Variants in PACRG observed in about 807,000 individuals in gnomAD.
PACRG encodes the protein parkin coregulated.
In PACRG, 29 loss-of-function variants were observed where a neutral mutation model predicts 29.7. That is an observed-to-expected ratio of 0.98 (90% CI 0.73 to 1.33). PACRG has a LOEUF of 1.33. Ranked by LOEUF, PACRG falls within the 40% of genes most tolerant of loss-of-function variation. PACRG has a pLI of 0.00. For synonymous variants in PACRG, 116 were observed against 118.7 expected (o/e 0.98, Z 0.15); for missense variants, 279 against 316.2 (o/e 0.88, Z 0.89).
intron 2 of PACRG, among the ~76,000 whole-genome samples, chr6:162,842,363 T>A (rs1364707605): frequency 6.8e-6 from 1 of 147,264 alleles, no homozygotes; most frequent in Admixed American, 6.8e-5. Flanking sequence ...GCCTTCTTTG[T>A]CTCTTTTGAT....
chr6:162,905,113 A>G (rs1412965393), intron 2 of PACRG, among the ~76,000 whole-genome samples: 3 of 152,212 alleles, frequency 2.0e-5, no homozygotes, highest in Admixed American at 2.0e-4. Context: ...CCTTGCCTAC[A>G]TTGGAGCAAC....
intron 1 of PACRG, among the ~76,000 whole-genome samples, chr6:162,771,053 G>T (rs1358761478): frequency 6.6e-6 from 1 of 151,964 alleles, no homozygotes; most frequent in Non-Finnish European, 1.5e-5. Flanking sequence ...AAATTACAAT[G>T]AAATACATTA....
At chr6:162,764,289 G>C (rs1346199709) in intron 1 of PACRG, among the ~76,000 whole-genome samples, 2 of 152,026 alleles carry the variant, frequency 1.3e-5, no homozygotes, top group Non-Finnish European at 2.9e-5. Context: ...AAAGGGGGGA[G>C]GGGGAGTTGC....
At chr6:163,005,341 C>T (rs1804966829) in intron 2 of PACRG, among the ~76,000 whole-genome samples, 1 of 151,830 alleles carries the variant, frequency 6.6e-6, no homozygotes, top group South Asian at 2.1e-4. Flanking sequence ...GTTCTGATTA[C>T]TTTGGTTTGC....
intron 1 of PACRG, among the ~76,000 whole-genome samples, chr6:162,794,122 A>G (rs1244160388): frequency 6.6e-6 from 1 of 152,192 alleles, no homozygotes; most frequent in African/African-American, 2.4e-5. Flanking sequence ...CCATATCCTC[A>G]CCAACACTTC....
At chr6:163,123,104 G>A (rs76567122) in intron 4 of PACRG, among the ~76,000 whole-genome samples, 1,826 of 152,302 alleles carry the variant, frequency 0.012, 37 homozygotes, top group African/African-American at 0.041. Flanking sequence ...GAAAAACCCC[G>A]TGTGCCCAGG....
At chr6:163,180,618 C>G (rs1024146193) in intron 4 of PACRG, among the ~76,000 whole-genome samples, 2 of 151,772 alleles carry the variant, frequency 1.3e-5, no homozygotes, top group African/African-American at 4.8e-5. Flanking sequence ...CAGTGATACT[C>G]TGTCTCAAAA....
At chr6:163,032,170 G>A (rs993652969) in intron 2 of PACRG, among the ~76,000 whole-genome samples, 3 of 152,188 alleles carry the variant, frequency 2.0e-5, no homozygotes, top group Admixed American at 1.3e-4. Flanking sequence ...TTGCTAAAAA[G>A]CTGTAAATAG....
At chr6:163,283,749 C>T (rs1021029263) in intron 4 of PACRG, among the ~76,000 whole-genome samples, 1 of 148,566 alleles carries the variant, frequency 6.7e-6, no homozygotes, top group African/African-American at 2.5e-5. Context: ...TGCAGTGAGC[C>T]GAGATTGTGC....
At chr6:162,939,311 A>C (rs1798452595) in intron 2 of PACRG, among the ~76,000 whole-genome samples, 2 of 152,200 alleles carry the variant, frequency 1.3e-5, no homozygotes, top group South Asian at 4.1e-4. Flanking sequence ...CTAGAAGATA[A>C]CATTGGAAAA....
intron 4 of PACRG, among the ~76,000 whole-genome samples, chr6:163,158,257 G>C (rs760081887): frequency 9.2e-5 from 14 of 152,206 alleles, no homozygotes; most frequent in Non-Finnish European, 1.3e-4. Context: ...GGCCGAGAAA[G>C]ATATTGAGAT....
At chr6:163,198,204 A>G (rs1204732181) in intron 4 of PACRG, among the ~76,000 whole-genome samples, 1 of 152,256 alleles carries the variant, frequency 6.6e-6, no homozygotes, top group Non-Finnish European at 1.5e-5. Flanking sequence ...AAGTGACCAC[A>G]GATTTTTAAT....
intron 1 of PACRG, among the ~76,000 whole-genome samples, chr6:162,734,993 A>G (rs192404793): frequency 2.3e-4 from 35 of 152,310 alleles, no homozygotes; most frequent in African/African-American, 7.0e-4. Context: ...TAAAGTATGT[A>G]ATTGTTTTGT....
At chr6:163,092,430 A>T (rs1488489659) in intron 4 of PACRG, among the ~76,000 whole-genome samples, 1 of 152,178 alleles carries the variant, frequency 6.6e-6, no homozygotes, top group Non-Finnish European at 1.5e-5. Flanking sequence ...AGCAATGAAA[A>T]CTTAGAGCCA....
At chr6:163,028,539 A>G (rs1807357156) in intron 2 of PACRG, among the ~76,000 whole-genome samples, 1 of 152,214 alleles carries the variant, frequency 6.6e-6, no homozygotes, top group African/African-American at 2.4e-5. Flanking sequence ...TGTTCTGCTA[A>G]TGAGTAAAAC....
chr6:163,276,110 T>A (rs1784016727), intron 4 of PACRG, among the ~76,000 whole-genome samples: 1 of 151,992 alleles, frequency 6.6e-6, no homozygotes, highest in Non-Finnish European at 1.5e-5. Context: ...CACTGCAGCC[T>A]TGACCTTCCA....
At chr6:163,082,779 T>C (rs1048916834) in intron 3 of PACRG, among the ~76,000 whole-genome samples, 1 of 152,248 alleles carries the variant, frequency 6.6e-6, no homozygotes, top group Non-Finnish European at 1.5e-5. Context: ...AATAATTTTA[T>C]AGTTTTTCAT....
At chr6:163,127,493 C>G (rs759134926) in intron 4 of PACRG, among the ~76,000 whole-genome samples, 14 of 152,162 alleles carry the variant, frequency 9.2e-5, no homozygotes, top group Non-Finnish European at 1.9e-4. Context: ...CTGCTTGTCT[C>G]TAGGTCTGCC....
intron 4 of PACRG, among the ~76,000 whole-genome samples, chr6:163,149,192 G>A (rs960348553): frequency 6.6e-6 from 1 of 151,830 alleles, no homozygotes; most frequent in African/African-American, 2.4e-5. Context: ...CACAGTCCAG[G>A]CCGGTCGGGT....
Sources: allele counts gnomAD v4.1 joint callset (sites outside exome capture counted in the v4.1 genomes callset), GRCh38; gene constraint gnomAD v4.1.1; transcripts MANE v1.5; gene names NCBI Gene and HGNC (gene_info 2026-07-23, HGNC 2026-07-21).